NT5DC2: variants seen among roughly 807,000 people sequenced by gnomAD.
The protein encoded by NT5DC2 is 5'-nucleotidase domain containing 2.
NT5DC2 carries 41 observed loss-of-function variants against 70.0 expected under a neutral mutation model. That is an observed-to-expected ratio of 0.59 (90% CI 0.46 to 0.76). NT5DC2 has a LOEUF of 0.76. Among genes scored for constraint, NT5DC2 ranks in the 30% least tolerant of loss-of-function variants. NT5DC2 has a pLI of 0.00. For synonymous variants in NT5DC2, 299 were observed against 310.4 expected (o/e 0.96, Z 0.39); for missense variants, 705 against 783.2 (o/e 0.90, Z 1.19).
rs1390671424 is a variant in NT5DC2, at chr3:52,531,097, C to T, written c.233-1763G>A. On this transcript the variant is annotated intron_variant, in intron 1 of 13. Transcript: ENST00000422318. This position sits in a 1 kb window ranked among gnomAD's most constrained non-coding sequence, Gnocchi z 4.1. ...AAGAGGCAGACATCTCGCTGATGTG[C>T]TCCGTGCCCAGAGCACTTGCCTCAG... Among the ~76,000 whole-genome samples, 1 of 152,258 alleles carries T rather than the reference C, an allele frequency of 6.6e-6. No homozygotes were observed. The highest frequency in any genetic ancestry group is 1.5e-5 in the Non-Finnish European group (1 of 68,040).
Position 52,527,217 on chromosome 3 carries a change from G to C in NT5DC2, c.1119+77C>G. The C allele has an allele frequency of 3.0e-6, 4 of 1,352,042 alleles. No individual in the cohort carries two copies. The Admixed American group carries it at 6.8e-5, about 23-fold the overall frequency. 83.8% of individuals were successfully genotyped at this position (1,352,042 alleles called of 1,614,324 possible). ...AAGGAGCTGTGCTGCTTCTTCAGAG[G>C]CTGCCTCTGCACAGCCTGGGGCCCT... On this transcript the variant is annotated intron_variant, in intron 10 of 13. Transcript: ENST00000422318.
At chr3:52,526,913 C>G (rs1270539654) in intron 10 of NT5DC2, among the ~76,000 whole-genome samples, 1 of 152,218 alleles carries the variant, frequency 6.6e-6, no homozygotes. Context: ...ATCCTGCAGC[C>G]TCAGCCTCCC....
At chr3:52,526,058 T>TGACA (rs752645354) in intron 10 of NT5DC2, 1 of 52,670 alleles carries the variant, frequency 1.9e-5, no homozygotes, top group Non-Finnish European at 4.9e-5. Context: ...TCCTAGTGAC[T>TGACA]GACAGGCAGG....
At chr3:52,534,627 C>T (rs1434867188), upstream of NT5DC2, 7 of 1,613,610 alleles carry the variant, frequency 4.3e-6, no homozygotes, top group Middle Eastern at 1.6e-4. Context: ...TTCCTCTTTC[C>T]TGCGCAGAAC....
At chr3:52,526,449 G>C (rs937555063) in intron 10 of NT5DC2, 2 of 152,276 alleles carry the variant, frequency 1.3e-5, no homozygotes, top group Non-Finnish European at 2.9e-5. Flanking sequence ...CAGGATTTCC[G>C]CATTCCAGCC....
upstream of NT5DC2, chr3:52,534,266 T>G (rs978446913): frequency 1.8e-6 from 1 of 564,326 alleles, no homozygotes; most frequent in East Asian, 3.2e-5. Context: ...CTAGTCCTGG[T>G]GCTCTCCTTT....
chr3:52,534,791 GCTGT>G, upstream of NT5DC2: 1 of 1,059,440 alleles, frequency 9.4e-7, no homozygotes. Context: ...AGGTGGCCGC[GCTGT>G]CTTTCAGGGT....
Position 52,532,406 on chromosome 3 carries a change from G to A in NT5DC2, c.232+1100C>T, listed in dbSNP as rs747487747. On this transcript the variant is annotated intron_variant, in intron 1 of 13. Transcript: ENST00000422318. ...AGACACAAACTCAACCTGGGACCTC[G>A]AGGGTGGACAGATGCCCAAGGCTTC... is the stretch of plus-strand genomic sequence containing the variant. 1.1e-3 allele frequency: 1,056 copies of A among 985,306 alleles called. 2 individuals are homozygous for A. The highest frequency in any genetic ancestry group is 1.2e-3 in the Non-Finnish European group (1,003 of 829,976). 61.0% of individuals were successfully genotyped at this position (985,306 alleles called of 1,614,324 possible). A position where few individuals can be genotyped will look rare whatever the true frequency, so the allele number is the denominator to read the frequency against.
chr3:52,529,028 C>A lies in NT5DC2; in HGVS notation c.418-93G>T. The stretch of plus-strand genomic sequence containing the variant: ...CAGGGGGTCAATCCAGCCACCTGCC[C>A]AGGGCAGCTGCCAGGCAAGAGGGCC... On this transcript the variant is annotated intron_variant, in intron 2 of 13. Coordinates refer to ENST00000422318, the MANE Select transcript of NT5DC2 (RefSeq NM_001134231.2). The surrounding 1 kb of genome is among the most constrained non-coding windows in gnomAD (Gnocchi z 4.1). 1 of 1,586,742 alleles carries A rather than the reference C, an allele frequency of 6.3e-7. No individual in the cohort carries two copies. The highest frequency in any genetic ancestry group is 1.1e-5 in the South Asian group (1 of 90,264).
At position 52,524,672 on chromosome 3, in the gene NT5DC2, T is replaced by TTGTG; in HGVS notation, c.1468_1471dup (p.Asn491ThrfsTer15). The stretch of plus-strand genomic sequence containing the variant: ...GAGGCGCCTTGAGAAGTAGGTGGGG[T>TTGTG]TGTGGAAGGTGCGGAAGATGCTGCC... On this transcript the variant is annotated frameshift_variant, in exon 14 of 14. Transcript: ENST00000422318. LOFTEE classifies it high-confidence loss of function. 6.2e-7 allele frequency: 1 copy of TTGTG among 1,612,572 alleles called. No individual in the cohort carries two copies. The highest frequency in any genetic ancestry group is 8.5e-7 in the Non-Finnish European group (1 of 1,179,944).
At position 52,529,507 on chromosome 3, in the gene NT5DC2, C is replaced by T. The variant is rs2079331866; in HGVS notation, c.233-173G>A. Among the ~76,000 whole-genome samples, 1 of 152,064 alleles carries T rather than the reference C, an allele frequency of 6.6e-6. No homozygotes were observed. The highest frequency in any genetic ancestry group is 1.5e-5 in the Non-Finnish European group (1 of 67,996). ...AACAGGCCCAGAGAGAAGTCACTTG[C>T]CCAGGGTCACGCAGTTAGGGTAAGG... On this transcript the variant is annotated intron_variant, in intron 1 of 13. Coordinates refer to ENST00000422318, the MANE Select transcript of NT5DC2 (RefSeq NM_001134231.2). The surrounding 1 kb of genome is among the most constrained non-coding windows in gnomAD (Gnocchi z 4.1).
Position 52,529,053 on chromosome 3 carries a change from CA to C in NT5DC2, c.417+96del. ...CAGGGCAGCTGCCAGGCAAGAGGGC[CA>C]GGGGAGCCCCACGACTCAGCCCTGA... On this transcript the variant is annotated intron_variant, in intron 2 of 13. Coordinates refer to ENST00000422318, the MANE Select transcript of NT5DC2 (RefSeq NM_001134231.2). This position sits in a 1 kb window ranked among gnomAD's most constrained non-coding sequence, Gnocchi z 4.1. The C allele has an allele frequency of 6.3e-7, 1 of 1,589,096 alleles. No homozygotes were observed. The highest frequency in any genetic ancestry group is 1.1e-5 in the South Asian group (1 of 90,102).
chr3:52,529,027 C>CCAGGG lies in NT5DC2; in HGVS notation c.418-97_418-93dup, dbSNP rs2079323645. On this transcript the variant is annotated intron_variant, in intron 2 of 13. Transcript: ENST00000422318. The surrounding 1 kb of genome is among the most constrained non-coding windows in gnomAD (Gnocchi z 4.1). ...CCAGGGGGTCAATCCAGCCACCTGC[C>CCAGGG]CAGGGCAGCTGCCAGGCAAGAGGGC... is the stretch of plus-strand genomic sequence containing the variant. 6.3e-7 allele frequency: 1 copy of CCAGGG among 1,587,008 alleles called. No individual in the cohort carries two copies. The highest frequency in any genetic ancestry group is 8.6e-7 in the Non-Finnish European group (1 of 1,156,952).
Position 52,525,118 on chromosome 3 carries a change from G to T in NT5DC2, c.1207-15C>A. ...AGCATGAGATCCTGGTGGGTGGGGC[G>T]GCAGAACTGGGCTCAGCGCCAGTTG... On this transcript the variant is annotated splice_polypyrimidine_tract_variant and intron_variant, in intron 11 of 13. Transcript: ENST00000422318. 1 of 1,561,142 alleles carries T rather than the reference G, an allele frequency of 6.4e-7. No homozygotes were observed. The highest frequency in any genetic ancestry group is 1.2e-5 in the South Asian group (1 of 85,334).
chr3:52,533,630 G>A lies in NT5DC2; in HGVS notation c.108C>T (p.Pro36=), dbSNP rs558970437. The change falls in exon 1 of 14, where the codon CCC becomes CCT. Residue 36 remains proline (P), a synonymous_variant. Coordinates refer to ENST00000422318, the MANE Select transcript of NT5DC2 (RefSeq NM_001134231.2). ...SSSPSCPGCG[P]PGPGAHCPGV... The stretch of plus-strand genomic sequence containing the variant: ...CGGGGCAGTGGGCGCCGGGACCCGG[G>A]GGGCCGCACCCAGGGCAGGAGGGCG... The A allele has an allele frequency of 9.3e-5, 113 of 1,219,784 alleles. No homozygotes were observed. The African/African-American group carries it at 1.5e-3, about 16-fold the overall frequency. 75.6% of individuals were successfully genotyped at this position (1,219,784 alleles called of 1,614,324 possible). A position where few individuals can be genotyped will look rare whatever the true frequency, so the allele number is the denominator to read the frequency against.
chr3:52,532,444 C>T (rs2079373418), intron 1 of NT5DC2: 1 of 985,432 alleles, frequency 1.0e-6, no homozygotes, highest in Non-Finnish European at 1.2e-6. Context: ...AATGACCATT[C>T]CTCAGGGGCC....
intron 1 of NT5DC2, among the ~76,000 whole-genome samples, chr3:52,532,698 G>T (rs146338543): frequency 2.6e-5 from 4 of 152,208 alleles, no homozygotes; most frequent in Admixed American, 6.5e-5. Flanking sequence ...CTTGAGAGAG[G>T]GTGAGACTTG....
At position 52,525,005 on chromosome 3, in the gene NT5DC2, C is replaced by T. The variant is rs1377965627; in HGVS notation, c.1305G>A (p.Leu435=). 6.2e-7 allele frequency: 1 copy of T among 1,610,950 alleles called. No homozygotes were observed. The highest frequency in any genetic ancestry group is 1.7e-5 in the Admixed American group (1 of 59,806). ...IINTEQYMHS[L]TWQQALTGLL... ...GCCCCGTGAGCGCCTGCTGCCACGT[C>T]AGCGAGTGCATGTACTGCTCCGTGT... Residue 435 remains leucine (L), a synonymous_variant, in exon 12 of 14, where the codon CTG becomes CTA. Coordinates refer to ENST00000422318, the MANE Select transcript of NT5DC2 (RefSeq NM_001134231.2).
chr3:52,528,834 A>G, intron 3 of NT5DC2, 27 bp downstream of exon 3: 1 of 1,611,366 alleles, frequency 6.2e-7, no homozygotes, highest in East Asian at 2.2e-5. Flanking sequence ...CCAAGGAGGG[A>G]GCCCCTATAC....
Sources: gnomAD v4.1 joint callset for allele counts (sites outside exome capture counted in the v4.1 genomes callset) on GRCh38, gnomAD v4.1.1 for gene constraint, Gnocchi (gnomAD v3.1) non-coding constraint, MANE v1.5 for transcripts, NCBI Gene and HGNC (gene_info 2026-07-23, HGNC 2026-07-21) for gene names.